ZNF804B: variants seen among roughly 807,000 people sequenced by gnomAD.
The protein encoded by ZNF804B is zinc finger protein 804B, also known as zinc finger 804B.
ZNF804B carries 80 observed loss-of-function variants against 101.4 expected under a neutral mutation model. The ratio of observed to expected loss-of-function variants is 0.79; its 90% CI spans 0.66 to 0.95. The LOEUF (loss-of-function observed/expected upper bound fraction) is 0.95. ZNF804B is among the 40% of genes least tolerant of loss of function. The pLI is 0.00. For synonymous variants in ZNF804B, 622 were observed against 558.8 expected, an observed-to-expected ratio of 1.11 and a Z score of -1.59; for missense variants, 1,673 against 1,561.9, an observed-to-expected ratio of 1.07 and a Z score of -1.20.
chr7:89,156,693 G>A (rs34568089), intron 1 of ZNF804B, among the ~76,000 whole-genome samples: 61,818 of 151,470 alleles, frequency 0.41, 13,173 homozygotes, highest in Non-Finnish European at 0.47. Context: ...TATTTTTATT[G>A]GTTTCTCTAA....
chr7:88,850,228 T>G (rs1202737255), intron 1 of ZNF804B, among the ~76,000 whole-genome samples: 1 of 152,170 alleles, frequency 6.6e-6, no homozygotes, highest in Non-Finnish European at 1.5e-5. Flanking sequence ...TTCAGTTTAC[T>G]TCCTGGATAA....
At chr7:88,928,107 A>G (rs139915872) in intron 1 of ZNF804B, among the ~76,000 whole-genome samples, 124 of 152,266 alleles carry the variant, frequency 8.1e-4, no homozygotes, top group Admixed American at 3.9e-3. Context: ...AAGCTGGTCA[A>G]ATCAACCTCT....
intron 1 of ZNF804B, among the ~76,000 whole-genome samples, chr7:88,860,174 T>C (rs191111843): frequency 1.3e-5 from 2 of 152,074 alleles, no homozygotes; most frequent in Admixed American, 6.5e-5. Flanking sequence ...AAAAAGAAAA[T>C]GCTCTTGCTC....
At chr7:89,194,903 C>T (rs1788522122) in intron 1 of ZNF804B, among the ~76,000 whole-genome samples, 1 of 152,054 alleles carries the variant, frequency 6.6e-6, no homozygotes, top group Non-Finnish European at 1.5e-5. Context: ...TTACCTTGGG[C>T]AGTATGGCCA....
At chr7:88,843,457 G>T (rs577160971) in intron 1 of ZNF804B, among the ~76,000 whole-genome samples, 1 of 152,096 alleles carries the variant, frequency 6.6e-6, no homozygotes, top group South Asian at 2.1e-4. Context: ...AATAACAAAG[G>T]CTGGGCGCGG....
chr7:89,301,029 G>C (rs1790463879), intron 2 of ZNF804B, among the ~76,000 whole-genome samples: 2 of 149,794 alleles, frequency 1.3e-5, no homozygotes, highest in Admixed American at 1.3e-4. Context: ...ACTTGCTGAG[G>C]AATAGGGAGT....
In ZNF804B at chr7:89,015,950, C is replaced by G. The variant is rs926380976; in HGVS notation, c.109-202205C>G. Among the ~76,000 whole-genome samples, 490 of 152,036 alleles carry G rather than the reference C, an allele frequency of 3.2e-3. 2 individuals are homozygous for G. Among genetic ancestry groups the G allele is most frequent in the African/African-American group, 0.011 (473 of 41,504 alleles). ...ATGGTTGAACTAGTTTACAGTCCCA[C>G]CAACAGTGTAAAAGTGTTCCTATTT... On this transcript the variant is annotated intron_variant, in intron 1 of 3. Coordinates refer to ENST00000333190, the MANE Select transcript of ZNF804B (RefSeq NM_181646.5).
intron 2 of ZNF804B, among the ~76,000 whole-genome samples, chr7:89,253,195 T>C (rs1476345791): frequency 6.6e-6 from 1 of 152,122 alleles, no homozygotes; most frequent in Admixed American, 6.6e-5. Context: ...TGCTAAAAGT[T>C]AAAGCTAAGT....
chr7:88,792,554 T>A (rs1790397049), intron 1 of ZNF804B, among the ~76,000 whole-genome samples: 1 of 152,102 alleles, frequency 6.6e-6, no homozygotes, highest in Admixed American at 6.6e-5. Flanking sequence ...TTGTTGAACG[T>A]TTTCTCTATT....
At chr7:88,960,968 C>A (rs1282558241) in intron 1 of ZNF804B, among the ~76,000 whole-genome samples, 1 of 151,288 alleles carries the variant, frequency 6.6e-6, no homozygotes, top group African/African-American at 2.4e-5. Context: ...GACAAATAAC[C>A]TTGGATAATT....
intron 2 of ZNF804B, among the ~76,000 whole-genome samples, chr7:89,247,772 A>T (rs1789472664): frequency 6.6e-6 from 1 of 152,174 alleles, no homozygotes; most frequent in Admixed American, 6.5e-5. Flanking sequence ...AAACTCAGAA[A>T]TGACACAAGG....
intron 1 of ZNF804B, among the ~76,000 whole-genome samples, chr7:88,830,921 T>C (rs1791123211): frequency 6.6e-6 from 1 of 151,996 alleles, no homozygotes; most frequent in Non-Finnish European, 1.5e-5. Flanking sequence ...GTTTTCATAT[T>C]CTTTTTCTTA....
At chr7:89,208,139 T>A (rs6967843) in intron 1 of ZNF804B, among the ~76,000 whole-genome samples, 42,970 of 149,126 alleles carry the variant, frequency 0.29, 6,437 homozygotes, top group South Asian at 0.34. Flanking sequence ...TGGAGTGCAG[T>A]GGCACAATCT....
chr7:88,788,038 G>A (rs538858646), intron 1 of ZNF804B, among the ~76,000 whole-genome samples: 1 of 152,198 alleles, frequency 6.6e-6, no homozygotes, highest in South Asian at 2.1e-4. Context: ...CGTTTGGAGA[G>A]TGGTTCATTT....
chr7:88,877,005 AAAATATATATATATATATAT>A lies in ZNF804B; in HGVS notation c.108+116924_108+116943del, dbSNP rs1399680328. On this transcript the variant is annotated intron_variant, in intron 1 of 3. Transcript: ENST00000333190. The stretch of plus-strand genomic sequence containing the variant: ...ATTATACAGAGAATATTTGAAAAAA[AAAATATATATATATATATAT>A]AATATATATATATATATATATATAT... 8.2e-4 allele frequency among the ~76,000 whole-genome samples: 70 copies of A among 85,024 alleles called. 1 individual carries two copies. The highest frequency in any genetic ancestry group is 6.0e-3 in the African/African-American group (68 of 11,270). The allele number at this position is 85,024 out of a possible 152,430, so 55.8% of individuals were successfully genotyped here. A position where few individuals can be genotyped will look rare whatever the true frequency, so the allele number is the denominator to read the frequency against.
chr7:88,942,532 T>TGTG (rs1562839187), intron 1 of ZNF804B, among the ~76,000 whole-genome samples: 4 of 140,980 alleles, frequency 2.8e-5, no homozygotes, highest in African/African-American at 8.1e-5. Context: ...GTGTGTGTGT[T>TGTG]TTGCATTGAA....
Position 88,864,703 on chromosome 7 carries a change from T to C in ZNF804B, c.108+104619T>C, listed in dbSNP as rs141436826. Among the ~76,000 whole-genome samples the C allele has an allele frequency of 1.3e-3, 199 of 152,234 alleles. 2 individuals carry two copies. Among genetic ancestry groups the C allele is most frequent in the African/African-American group, 4.3e-3 (180 of 41,548 alleles). ...AGAAGTAAGATCTCTTGCCTGTACT[T>C]CATCTGGGACCGAAAGCAATGGGAA... On this transcript the variant is annotated intron_variant, in intron 1 of 3. Coordinates refer to ENST00000333190, the MANE Select transcript of ZNF804B (RefSeq NM_181646.5).
chr7:89,157,227 T>G (rs1441306255), intron 1 of ZNF804B, among the ~76,000 whole-genome samples: 5 of 152,164 alleles, frequency 3.3e-5, no homozygotes, highest in Non-Finnish European at 5.9e-5. Flanking sequence ...TTCTGTAAAG[T>G]CACTTTAAAC....
intron 1 of ZNF804B, among the ~76,000 whole-genome samples, chr7:89,101,873 T>C (rs1790060716): frequency 6.6e-6 from 1 of 151,894 alleles, no homozygotes; most frequent in African/African-American, 2.4e-5. Context: ...TTTTCCCTCC[T>C]TTTAGAGTCT....
Sources: allele counts gnomAD v4.1 joint callset (sites outside exome capture counted in the v4.1 genomes callset), GRCh38; gene constraint gnomAD v4.1.1; transcripts MANE v1.5; gene names NCBI Gene and HGNC (gene_info 2026-07-23, HGNC 2026-07-21).